ASIC2: variants seen among roughly 807,000 people sequenced by gnomAD.
ASIC2 encodes acid-sensing ion channel 2.
In ASIC2, 25 loss-of-function variants were observed where a neutral mutation model predicts 57.3. The ratio of observed to expected loss-of-function variants is 0.44; its 90% CI spans 0.32 to 0.61. The LOEUF is 0.61. ASIC2 is among the 20% of genes least tolerant of loss of function. The pLI, the probability that ASIC2 is intolerant of heterozygous loss-of-function variation, is 0.06. For synonymous variants in ASIC2, 319 were observed against 307.5 expected (o/e 1.04, Z -0.39); for missense variants, 641 against 738.1 (o/e 0.87, Z 1.52).
intron 1 of ASIC2, among the ~76,000 whole-genome samples, chr17:34,140,745 A>G (rs1038693439): frequency 6.6e-6 from 1 of 152,224 alleles, no homozygotes; most frequent in African/African-American, 2.4e-5. Flanking sequence ...ATGAGTCTAC[A>G]CCAATGTAAA....
At chr17:33,556,278 G>GAAC (rs1156372260) in intron 1 of ASIC2, among the ~76,000 whole-genome samples, 1 of 152,202 alleles carries the variant, frequency 6.6e-6, no homozygotes, top group African/African-American at 2.4e-5. Context: ...GTTACACAAT[G>GAAC]AACTGAGTAA....
intron 1 of ASIC2, among the ~76,000 whole-genome samples, chr17:33,442,598 G>A (rs886310575): frequency 1.3e-5 from 2 of 151,674 alleles, no homozygotes; most frequent in South Asian, 4.1e-4. Context: ...AATTTATTTT[G>A]AAAAGATGAT....
rs72811169 is a variant in ASIC2 at position 33,639,455 on chromosome 17, T to C, written c.555+516523A>G. Among the ~76,000 whole-genome samples, 1,463 of 152,288 alleles carry C rather than the reference T, an allele frequency of 9.6e-3. 32 individuals are homozygous for C. Among genetic ancestry groups the C allele is most frequent in the East Asian group, 0.075 (390 of 5,170 alleles). ...AATCTTCCCTGAGAAAAGTCTCTTA[T>C]GTTTATCTTACACCCACTGTGGTGA... On this transcript the variant is annotated intron_variant, in intron 1 of 9. Transcript: ENST00000359872.
intron 1 of ASIC2, among the ~76,000 whole-genome samples, chr17:33,693,415 TCACACC>T (rs1797289611): frequency 6.6e-6 from 1 of 152,222 alleles, no homozygotes; most frequent in Non-Finnish European, 1.5e-5. Context: ...CCTGTTGATG[TCACACC>T]TCTGATAGGA....
intron 1 of ASIC2, among the ~76,000 whole-genome samples, chr17:33,738,073 T>C (rs866561650): frequency 6.6e-6 from 1 of 152,224 alleles, no homozygotes; most frequent in Non-Finnish European, 1.5e-5. Flanking sequence ...TAAAAGTAGG[T>C]GTCTAAGAAA....
At chr17:34,132,801 G>A (rs961515368) in intron 1 of ASIC2, among the ~76,000 whole-genome samples, 7 of 152,190 alleles carry the variant, frequency 4.6e-5, no homozygotes, top group African/African-American at 1.7e-4. Flanking sequence ...TGTGTGTGTA[G>A]GTGTTCTTTA....
At chr17:33,268,477 G>A (rs1909566952) in intron 1 of ASIC2, among the ~76,000 whole-genome samples, 2 of 151,976 alleles carry the variant, frequency 1.3e-5, no homozygotes, top group African/African-American at 4.8e-5. Context: ...AAATAAGTAA[G>A]GACAATCAAA....
chr17:34,037,720 G>C, intron 1 of ASIC2: 1 of 1,614,168 alleles, frequency 6.2e-7, no homozygotes, highest in Non-Finnish European at 8.5e-7. Flanking sequence ...GAGGCAACAA[G>C]TAGGGATCAC....
At chr17:33,314,124 T>C (rs1249318334) in intron 1 of ASIC2, among the ~76,000 whole-genome samples, 2 of 152,180 alleles carry the variant, frequency 1.3e-5, no homozygotes, top group Non-Finnish European at 2.9e-5. Flanking sequence ...CCTTTGTGTC[T>C]ATACTCTTTG....
chr17:33,816,299 A>C (rs1376057224), intron 1 of ASIC2, among the ~76,000 whole-genome samples: 1 of 152,120 alleles, frequency 6.6e-6, no homozygotes, highest in East Asian at 1.9e-4. Flanking sequence ...GGTGAAGATG[A>C]ATGGAGGGAA....
At chr17:33,212,320 T>C (rs1379636827) in intron 1 of ASIC2, among the ~76,000 whole-genome samples, 1 of 152,144 alleles carries the variant, frequency 6.6e-6, no homozygotes, top group East Asian at 1.9e-4. Flanking sequence ...CAGAAGGACA[T>C]GTGACCACAG....
intron 1 of ASIC2, among the ~76,000 whole-genome samples, chr17:33,528,285 A>G (rs1015768390): frequency 6.6e-6 from 1 of 151,106 alleles, no homozygotes; most frequent in Non-Finnish European, 1.5e-5. Context: ...GGGCCATCAC[A>G]TGGGCTTCCT....
At chr17:33,502,135 T>C (rs1470266057) in intron 1 of ASIC2, among the ~76,000 whole-genome samples, 1 of 151,990 alleles carries the variant, frequency 6.6e-6, no homozygotes, top group Non-Finnish European at 1.5e-5. Flanking sequence ...CCAAAGGGGA[T>C]GGGCAAGGTA....
At chr17:33,731,503 C>T (rs888623509) in intron 1 of ASIC2, among the ~76,000 whole-genome samples, 2 of 152,162 alleles carry the variant, frequency 1.3e-5, no homozygotes, top group Admixed American at 6.5e-5. Flanking sequence ...AGAAATCTCC[C>T]TGCTGCCTCC....
At chr17:33,436,488 A>G (rs1343243195) in intron 1 of ASIC2, among the ~76,000 whole-genome samples, 1 of 152,130 alleles carries the variant, frequency 6.6e-6, no homozygotes, top group South Asian at 2.1e-4. Flanking sequence ...CTTGTGACTC[A>G]TGGCTCAACT....
chr17:33,579,555 G>A lies in ASIC2; in HGVS notation c.556-467488C>T, dbSNP rs531333572. Among the ~76,000 whole-genome samples the A allele has an allele frequency of 1.2e-4, 18 of 152,264 alleles. No individual in the cohort carries two copies. The South Asian group carries it at 3.1e-3, about 26-fold the overall frequency. ...GGTCTCCCTGCCTTCAAGAATGAAA[G>A]GGCAGACCCTACTGGTGAGTGTTAC... is the stretch of plus-strand genomic sequence containing the variant. On this transcript the variant is annotated intron_variant, in intron 1 of 9. Transcript: ENST00000359872.
At chr17:33,467,991 C>T (rs1053140377) in intron 1 of ASIC2, among the ~76,000 whole-genome samples, 2 of 152,172 alleles carry the variant, frequency 1.3e-5, no homozygotes, top group Non-Finnish European at 2.9e-5. Flanking sequence ...CAGTTATATG[C>T]CCTCAGTGGT....
In ASIC2 at chr17:33,911,724, A is replaced by G. The variant is rs542434986; in HGVS notation, c.555+244254T>C. ...TTTCTGTTTGCCCTTGGTGTGTGCA[A>G]TGAAATCATTACCTGGACCAGAGCT... On this transcript the variant is annotated intron_variant, in intron 1 of 9. Transcript: ENST00000359872. 2.0e-4 allele frequency among the ~76,000 whole-genome samples: 31 copies of G among 152,330 alleles called. 1 individual carries two copies. Among genetic ancestry groups the G allele is most frequent in the African/African-American group, 7.2e-4 (30 of 41,572 alleles).
intron 1 of ASIC2, among the ~76,000 whole-genome samples, chr17:33,729,142 G>A (rs1324099336): frequency 1.3e-5 from 2 of 152,214 alleles, no homozygotes; most frequent in Admixed American, 6.5e-5. Flanking sequence ...TCTGCAGAGT[G>A]TACAGGAAGT....
Sources: allele counts gnomAD v4.1 joint callset (sites outside exome capture counted in the v4.1 genomes callset), GRCh38; gene constraint gnomAD v4.1.1; transcripts MANE v1.5; gene names NCBI Gene and HGNC (gene_info 2026-07-23, HGNC 2026-07-21).